Variants in PKD1 observed in about 807,000 individuals in gnomAD.
The protein encoded by PKD1 is polycystin-1.
PKD1 carries 81 observed loss-of-function variants against 361.7 expected under a neutral mutation model. The ratio of observed to expected loss-of-function variants is 0.22; its 90% CI spans 0.19 to 0.27. The LOEUF (loss-of-function observed/expected upper bound fraction) is 0.27. Among genes scored for constraint, PKD1 ranks in the 10% least tolerant of loss-of-function variants. The pLI, the probability that PKD1 is intolerant of heterozygous loss-of-function variation, is 1.00. For missense variants in PKD1, 6,399 were observed against 6,118.3 expected, an observed-to-expected ratio of 1.05 and a Z score of -1.53; for synonymous variants, 3,615 against 2,818.3, an observed-to-expected ratio of 1.28 and a Z score of -8.95.
rs149879790 is a variant in PKD1 at position 2,104,550 on chromosome 16, G to A, written c.8109C>T (p.Thr2703=). The change falls in exon 22 of 46, where the codon ACC becomes ACT. Residue 2703 remains threonine (T), a synonymous_variant. Transcript: ENST00000262304. Reference sequence around the variant, plus strand: ...TGGCGGTGGGCGTCACGGTGCCCGCGGTGGTCTCTGCCTGCAGGATGAGCA... The same window carrying A: ...TGGCGGTGGGCGTCACGGTGCCCGCAGTGGTCTCTGCCTGCAGGATGAGCA... ...AMMLILQAET[T]AGTVTPTAIG... is the part of the protein sequence containing the mutation. 1,931 of 1,591,226 alleles carry A rather than the reference G, an allele frequency of 1.2e-3. 13 individuals are homozygous for A. Among genetic ancestry groups the A allele is most frequent in the African/African-American group, 0.012 (854 of 73,536 alleles).
At position 2,103,313 on chromosome 16, in the gene PKD1, T is replaced by G. The variant is rs533221512; in HGVS notation, c.8744A>C (p.Asn2915Thr). 6.2e-7 allele frequency: 1 copy of G among 1,608,438 alleles called. No homozygotes were observed. Among genetic ancestry groups the G allele is most frequent in the South Asian group, 1.1e-5 (1 of 90,980 alleles). ...CTGCAGATGCAGCCCGGCCGCAGGG[T>G]TGCTGCTGTCCAGGGTGACCACAGC... is the stretch of plus-strand genomic sequence containing the variant. ...VGAVVTLDSS[N>T]PAAGLHLQLN... Residue 2915 changes from asparagine (N) to threonine (T), a missense_variant, in exon 23 of 46, where the codon AAC (asparagine) becomes ACC (threonine). Transcript: ENST00000262304.
intron 6 of PKD1, 80 bp downstream of exon 6, chr16:2,117,409 A>C (rs1215046491): frequency 1.8e-6 from 2 of 1,128,566 alleles, no homozygotes; most frequent in Non-Finnish European, 2.5e-6. Flanking sequence ...CTTCCTCCTG[A>C]GACTCCCCAG....
rs1241286729 is a variant in PKD1, at chr16:2,102,470, G to A, written c.9112C>T (p.Pro3038Ser). Residue 3038 changes from proline to serine, a missense_variant, in exon 25 of 46, where the codon CCC (proline) becomes TCC (serine). Pro to Ser is a moderately conservative substitution (Grantham distance 74). Coordinates refer to ENST00000262304, the MANE Select transcript of PKD1 (RefSeq NM_001009944.3). ...CGGGTGAGGCAGACGGCCTGGCGGG[G>A]CGAGGTCTCCTCCAGGGGCAGCAGC... ...EGLLPLEETSPRQAVCLTRHL... is the reference protein window; with the variant it reads ...EGLLPLEETSSRQAVCLTRHL... 2.6e-6 allele frequency: 4 copies of A among 1,558,038 alleles called. No individual in the cohort carries two copies. The highest frequency in any genetic ancestry group is 1.4e-5 in the African/African-American group (1 of 73,236).
rs1203989607 is a variant in PKD1 at position 2,103,904 on chromosome 16, A to T, written c.8162-9T>A. ...CAGGTGGATGAGGTCTCCTGCAGAC[A>T]TGCGTGAGGTCAGTGCAGAGACAGG... On this transcript the variant is annotated splice_polypyrimidine_tract_variant and intron_variant, in intron 22 of 45. Coordinates refer to ENST00000262304, the MANE Select transcript of PKD1 (RefSeq NM_001009944.3). 2 of 1,313,022 alleles carry T rather than the reference A, an allele frequency of 1.5e-6. No individual in the cohort carries two copies. Among genetic ancestry groups the T allele is most frequent in the South Asian group, 2.4e-5 (2 of 84,506 alleles). 81.3% of individuals were successfully genotyped at this position (1,313,022 alleles called of 1,614,324 possible). A position where few individuals can be genotyped will look rare whatever the true frequency, so the allele number is the denominator to read the frequency against.
intron 45 of PKD1, 32 bp from the exon 46 acceptor site, chr16:2,090,226 G>A (rs1327554200): frequency 1.2e-6 from 2 of 1,609,014 alleles, no homozygotes; most frequent in Non-Finnish European, 1.7e-6. Flanking sequence ...AGTCAGTCCG[G>A]CTGCACCCTG....
chr16:2,091,916 A>AG lies in PKD1; in HGVS notation c.11412-11dup. 6.2e-7 allele frequency: 1 copy of AG among 1,611,550 alleles called. No individual in the cohort carries two copies. Among genetic ancestry groups the AG allele is most frequent in the Non-Finnish European group, 8.5e-7 (1 of 1,179,606 alleles). Reference sequence around the variant, plus strand: ...GCCCCAGGACCATGCCCTGCCGGAGAGGGGTGGCGTGGGTGCCGCACCCCA... The same window carrying AG: ...GCCCCAGGACCATGCCCTGCCGGAGAGGGGGTGGCGTGGGTGCCGCACCCCA... On this transcript the variant is annotated splice_polypyrimidine_tract_variant and intron_variant, in intron 40 of 45. Transcript: ENST00000262304.
At chr16:2,105,768 C>A (rs1454060712) in intron 20 of PKD1, 97 bp downstream of exon 20, 8 of 1,407,128 alleles carry the variant, frequency 5.7e-6, no homozygotes, top group Non-Finnish European at 7.9e-6. Flanking sequence ...CTCTGGGGCC[C>A]GGGATGAGCC....
chr16:2,122,009 G>A (rs1294607435), intron 1 of PKD1, among the ~76,000 whole-genome samples: 2 of 152,366 alleles, frequency 1.3e-5, no homozygotes, highest in South Asian at 2.1e-4. Context: ...CGCTCCCACA[G>A]GAGCCTACCC....
intron 1 of PKD1, among the ~76,000 whole-genome samples, chr16:2,128,956 C>G (rs558568228): frequency 6.6e-6 from 1 of 151,936 alleles, no homozygotes; most frequent in Non-Finnish European, 1.5e-5. Context: ...CTCCGCCTCC[C>G]GGGTTCAAGT....
Position 2,118,440 on chromosome 16 carries a change from G to A in PKD1, c.552C>T (p.Leu184=). The change falls in exon 5 of 46, where the codon CTC becomes CTT. Residue 184 remains leucine (L), a synonymous_variant. Coordinates refer to ENST00000262304, the MANE Select transcript of PKD1 (RefSeq NM_001009944.3). The surrounding 1 kb of genome is among the most constrained non-coding windows in gnomAD (Gnocchi z 6.0). ...CCACGGTGCCTGAGCTGTTGTCAGG[G>A]AGGCAGGCGACATACTCCTCACCTA... is the stretch of plus-strand genomic sequence containing the variant. The part of the protein sequence containing the change: ...SGCGEEYVAC[L]PDNSSGTVAA... The A allele has an allele frequency of 1.2e-5, 14 of 1,195,714 alleles. No individual in the cohort carries two copies. Among genetic ancestry groups the A allele is most frequent in the Non-Finnish European group, 1.4e-5 (12 of 836,714 alleles). The allele number at this position is 1,195,714 out of a possible 1,614,324, so 74.1% of individuals were successfully genotyped here.
Position 2,088,745 on chromosome 16 carries a change from T to A in PKD1, c.*982A>T. The A allele has an allele frequency of 7.9e-7, 1 of 1,271,876 alleles. No homozygotes were observed. Among genetic ancestry groups the A allele is most frequent in the East Asian group, 2.5e-5 (1 of 39,342 alleles). 78.8% of individuals were successfully genotyped at this position (1,271,876 alleles called of 1,614,324 possible). A position where few individuals can be genotyped will look rare whatever the true frequency, so the allele number is the denominator to read the frequency against. ...AGCTCTTTTATTGACTTTGTCTGCT[T>A]GGTGCGGGGGTTGGGGGGGTGTCGA... On this transcript the variant is annotated 3_prime_UTR_variant, in exon 46 of 46. Transcript: ENST00000262304.
Position 2,110,476 on chromosome 16 carries a change from C to A in PKD1, c.4691G>T (p.Gly1564Val), listed in dbSNP as rs1310400744. The change falls in exon 15 of 46, where the codon GGG becomes GTG. Residue 1564 changes from glycine to valine, a missense_variant. By Grantham distance (109) the Gly-to-Val change is moderately radical. Transcript: ENST00000262304. The stretch of plus-strand genomic sequence containing the variant: ...CAGCGACGTGCTGAAGCTCACGCTC[C>A]CATTCAGGGGCACCACCGTGCGGCT... ...NASRTVVPLNGSVSFSTSLEA... is the reference protein window; with the variant it reads ...NASRTVVPLNVSVSFSTSLEA... The A allele has an allele frequency of 4.5e-5, 73 of 1,612,510 alleles. No individual in the cohort carries two copies. The highest frequency in any genetic ancestry group is 6.1e-5 in the Non-Finnish European group (72 of 1,179,850).
chr16:2,101,596 C>G (rs968796491), intron 26 of PKD1, among the ~76,000 whole-genome samples: 2 of 152,188 alleles, frequency 1.3e-5, no homozygotes, highest in African/African-American at 4.8e-5. Flanking sequence ...CCAGCCTGGG[C>G]AACAGAGTGA....
Position 2,108,355 on chromosome 16 carries a change from G to C in PKD1, c.6812C>G (p.Thr2271Arg), listed in dbSNP as rs746094691. 32 of 1,609,612 alleles carry C rather than the reference G, an allele frequency of 2.0e-5. No individual in the cohort carries two copies. The highest frequency in any genetic ancestry group is 2.4e-5 in the Non-Finnish European group (28 of 1,179,072). ...GCTCCCATCCAGCACCAGGTCCCGT[G>C]TGTCTGACCACACGCGGTATGAGCC... ...EGGSYRVWSD[T>R]RDLVLDGSES... Residue 2271 changes from threonine to arginine, a missense_variant, in exon 15 of 46, where the codon ACA (threonine) becomes AGA (arginine). Physicochemically the swap from Thr to Arg is moderately conservative, Grantham distance 71. Transcript: ENST00000262304.
intron 16 of PKD1, 152 bp downstream of exon 16, chr16:2,107,731 C>T (rs1288871877): frequency 6.3e-5 from 47 of 743,514 alleles, no homozygotes; most frequent in Non-Finnish European, 9.2e-5. Context: ...GGAAGCAAAG[C>T]TGAAGCAGGC....
rs546588165 is a variant in PKD1, at chr16:2,108,573, C to T, written c.6594G>A (p.Pro2198=). Residue 2198 remains proline (P), a synonymous_variant, in exon 15 of 46, where the codon CCG becomes CCA. Coordinates refer to ENST00000262304, the MANE Select transcript of PKD1 (RefSeq NM_001009944.3). ...EVYRTASCQR[P]GRPARVALPG... ...GCAGGGCCACACGCGCTGGGCGCCC[C>T]GGCCGCTGGCAGCTGGCGGTGCGAT... 2.2e-5 allele frequency: 34 copies of T among 1,564,948 alleles called. No homozygotes were observed. Among genetic ancestry groups the T allele is most frequent in the Middle Eastern group, 2.3e-4 (1 of 4,374 alleles).
In PKD1 at chr16:2,102,963, G is replaced by A. The variant is rs755216984; in HGVS notation, c.8799C>T (p.Tyr2933=). The A allele has an allele frequency of 6.2e-6, 10 of 1,604,858 alleles. No homozygotes were observed. The highest frequency in any genetic ancestry group is 6.8e-6 in the Non-Finnish European group (8 of 1,179,740). Residue 2933 remains tyrosine (Y), a synonymous_variant, in exon 24 of 46, where the codon TAC becomes TAT. Coordinates refer to ENST00000262304, the MANE Select transcript of PKD1 (RefSeq NM_001009944.3). ...QLNYTLLDGH[Y]LSEEPEPYLA... is the part of the protein sequence containing the mutation. The stretch of plus-strand genomic sequence containing the variant: ...GGTAGGGCTCAGGTTCCTCAGACAG[G>A]TAGTGGCCTGGGGCAGAACGCGCAG...
At chr16:2,127,666 G>A (rs1596616768) in intron 1 of PKD1, among the ~76,000 whole-genome samples, 2 of 151,744 alleles carry the variant, frequency 1.3e-5, no homozygotes, top group East Asian at 4.0e-4. Flanking sequence ...GGGGCTGCCA[G>A]TGGCTGAGCC....
chr16:2,093,818 G>T lies in PKD1; in HGVS notation c.10814C>A (p.Pro3605Gln). ...CCCTGGCAGCCCCCTCACCTTCAGT[G>T]GCTCCCAGCCGAGGAATGAGGCCAG... ...SFLASFLGWE[P>Q]LKVLLEALYF... Residue 3605 changes from proline to glutamine, a missense_variant, in exon 36 of 46, where the codon CCA becomes CAA. Physicochemically the swap from Pro to Gln is moderately conservative, Grantham distance 76. Coordinates refer to ENST00000262304, the MANE Select transcript of PKD1 (RefSeq NM_001009944.3). 1 of 1,556,124 alleles carries T rather than the reference G, an allele frequency of 6.4e-7. No individual in the cohort carries two copies. The highest frequency in any genetic ancestry group is 1.2e-5 in the South Asian group (1 of 85,832).
Sources: gnomAD v4.1 joint callset for allele counts (sites outside exome capture counted in the v4.1 genomes callset) on GRCh38, gnomAD v4.1.1 for gene constraint, Gnocchi (gnomAD v3.1) non-coding constraint, MANE v1.5 for transcripts, NCBI Gene and HGNC (gene_info 2026-07-23, HGNC 2026-07-21) for gene names.